CYP4F22: variants seen among roughly 807,000 people sequenced by gnomAD.
CYP4F22 encodes the protein ultra-long-chain fatty acid omega-hydroxylase.
A neutral mutation model predicts 60.4 loss-of-function variants in CYP4F22; 37 were observed. The ratio of observed to expected loss-of-function variants is 0.61; its 90% confidence interval spans 0.47 to 0.81. The LOEUF is 0.81. CYP4F22 is among the 30% of genes least tolerant of loss of function. The probability of loss-of-function intolerance (pLI) is 0.00; values close to 1 mark genes in which losing one functional copy is unlikely to be tolerated. For missense variants in CYP4F22, 655 were observed against 715.0 expected (o/e 0.92, Z 0.96); for synonymous variants, 258 against 280.5 (o/e 0.92, Z 0.80).
rs1056455672 is a variant in CYP4F22, at chr19:15,515,265, C to G, written c.-109+6682C>G. 3.7e-5 allele frequency: 32 copies of G among 874,196 alleles called. No homozygotes were observed. In the African/African-American group the frequency reaches 5.4e-4, roughly 15 times the overall value. 54.2% of individuals were successfully genotyped at this position (874,196 alleles called of 1,614,324 possible). A position where few individuals can be genotyped will look rare whatever the true frequency, so the allele number is the denominator to read the frequency against. ...CGGCCCACTAGAGGTATCAGAAATT[C>G]CAAATTTTCAAAGCAGTTTTAATAT... On this transcript the variant is annotated intron_variant, in intron 1 of 13. Transcript: ENST00000269703.
At chr19:15,548,628 C>A (rs759113422) in intron 11 of CYP4F22, among the ~76,000 whole-genome samples, 1 of 151,838 alleles carries the variant, frequency 6.6e-6, no homozygotes, top group Non-Finnish European at 1.5e-5. Context: ...CATTCCCAGG[C>A]GTATGGAATC....
rs1971551688 is a variant in CYP4F22, at chr19:15,548,036, TGTGTG to T, written c.1137-71_1137-67del. On this transcript the variant is annotated intron_variant, in intron 10 of 13. Coordinates refer to ENST00000269703, the MANE Select transcript of CYP4F22 (RefSeq NM_173483.4). ...GTGTGTGTGTGTGTGTGTGTGTGTG[TGTGTG>T]TGTGTGTGTTTTGGGGAGGTGGTGC... The T allele has an allele frequency of 6.4e-6, 9 of 1,400,764 alleles. No homozygotes were observed. In the African/African-American group the frequency reaches 1.3e-4, roughly 20 times the overall value. The allele number at this position is 1,400,764 out of a possible 1,614,324, so 86.8% of individuals were successfully genotyped here. A position where few individuals can be genotyped will look rare whatever the true frequency, so the allele number is the denominator to read the frequency against.
Position 15,537,315 on chromosome 19 carries a change from CA to C in CYP4F22, c.368-40del, listed in dbSNP as rs1568360184. The C allele has an allele frequency of 1.9e-6, 3 of 1,612,610 alleles. No homozygotes were observed. The South Asian group carries it at 3.3e-5, about 18-fold the overall frequency. On this transcript the variant is annotated intron_variant, in intron 4 of 13. Transcript: ENST00000269703. ...GACTCCGTAAAAAAAAACAAAAAAC[CA>C]AAAAACTCTGTTTTGAGTCACCATT...
In CYP4F22 at chr19:15,550,711, A is replaced by G. The variant is rs779007203; in HGVS notation, c.1373A>G (p.Gln458Arg). 46 of 1,614,206 alleles carry G rather than the reference A, an allele frequency of 2.8e-5. No individual in the cohort carries two copies. The highest frequency in any genetic ancestry group is 2.4e-5 in the Non-Finnish European group (28 of 1,180,038). ...TACCGCTTTGACCCGGACAACCCACAGCAGCGCTCTCCACTGGCCTATGTG... is the reference window on the plus strand; with the variant it reads ...TACCGCTTTGACCCGGACAACCCACGGCAGCGCTCTCCACTGGCCTATGTG... The part of the protein sequence containing the change: ...NPYRFDPDNP[Q>R]QRSPLAYVPF... The change falls in exon 13 of 14, where the codon CAG (glutamine) becomes CGG (arginine). Residue 458 changes from glutamine (Q) to arginine (R), a missense_variant. Around this residue, in one of 3 missense-constraint regions of CYP4F22, gnomAD observed 151 missense variants for 139.4 expected, o/e 1.08. Transcript: ENST00000269703.
In CYP4F22 at chr19:15,523,712, G is replaced by A. The variant is rs1037908126; in HGVS notation, c.-89G>A. On this transcript the variant is annotated 5_prime_UTR_variant, in exon 2 of 14. Transcript: ENST00000269703. Reference sequence around the variant, plus strand: ...CCTTAGGAGCTGGCCCTAAAGCAAGGACCTGAGTGCAAGTAATTTTTTTGG... The same window carrying A: ...CCTTAGGAGCTGGCCCTAAAGCAAGAACCTGAGTGCAAGTAATTTTTTTGG... The A allele has an allele frequency of 2.6e-5, 4 of 152,128 alleles. No homozygotes were observed. The highest frequency in any genetic ancestry group is 4.4e-5 in the Non-Finnish European group (3 of 68,048). The allele number at this position is 152,128 out of a possible 1,614,324, so 9.4% of individuals were successfully genotyped here.
intron 1 of CYP4F22, among the ~76,000 whole-genome samples, chr19:15,522,624 C>A (rs995443033): frequency 6.6e-6 from 1 of 152,098 alleles, no homozygotes; most frequent in Non-Finnish European, 1.5e-5. Flanking sequence ...TGCATTGAGC[C>A]GTGATAGTAC....
intron 3 of CYP4F22, among the ~76,000 whole-genome samples, chr19:15,527,595 C>T (rs1011873430): frequency 6.6e-6 from 1 of 152,234 alleles, no homozygotes; most frequent in African/African-American, 2.4e-5. Flanking sequence ...TAAAGCCCAG[C>T]CTTGACGTTG....
chr19:15,512,159 C>T (rs1277946799), intron 1 of CYP4F22, among the ~76,000 whole-genome samples: 6 of 152,174 alleles, frequency 3.9e-5, no homozygotes, highest in Middle Eastern at 6.8e-3. Context: ...TTCACTGAGC[C>T]GTCCCAAAAA....
At chr19:15,520,714 A>C (rs1971214294) in intron 1 of CYP4F22, among the ~76,000 whole-genome samples, 1 of 150,720 alleles carries the variant, frequency 6.6e-6, no homozygotes. Flanking sequence ...CAGCCTCCCG[A>C]GTAGCGGGTA....
At chr19:15,545,648 C>CAAAAAAA (rs1217096575) in intron 10 of CYP4F22, among the ~76,000 whole-genome samples, 994 of 38,900 alleles carry the variant, frequency 0.026, 56 homozygotes, top group East Asian at 0.085. Flanking sequence ...GACCCTGTCT[C>CAAAAAAA]AAAAAAAAAA....
At chr19:15,519,388 G>C (rs1378834964) in intron 1 of CYP4F22, among the ~76,000 whole-genome samples, 1 of 151,590 alleles carries the variant, frequency 6.6e-6, no homozygotes, top group East Asian at 1.9e-4. Context: ...TCAGCCTCCC[G>C]AGTAGCTGGG....
At chr19:15,526,470 T>G (rs915957546) in intron 3 of CYP4F22, among the ~76,000 whole-genome samples, 3 of 152,190 alleles carry the variant, frequency 2.0e-5, no homozygotes, top group Non-Finnish European at 4.4e-5. Context: ...TTTTTAATTT[T>G]GCAGATATGT....
chr19:15,522,938 T>C (rs1371058434), intron 1 of CYP4F22, among the ~76,000 whole-genome samples: 1 of 150,382 alleles, frequency 6.6e-6, no homozygotes, highest in African/African-American at 2.4e-5. Flanking sequence ...CTTGAACTCC[T>C]GAACTCAAGT....
At chr19:15,512,007 G>A (rs906895636) in intron 1 of CYP4F22, among the ~76,000 whole-genome samples, 3 of 151,550 alleles carry the variant, frequency 2.0e-5, no homozygotes, top group Non-Finnish European at 4.4e-5. Flanking sequence ...GGTGTAGATA[G>A]GGAGTGGACA....
In CYP4F22 at chr19:15,529,851, C is replaced by G. The variant is rs1354112731; in HGVS notation, c.365C>G (p.Ser122Ter). The G allele has an allele frequency of 6.2e-7, 1 of 1,613,986 alleles. No individual in the cohort carries two copies. Residue 122 changes from serine to a stop codon, truncating the protein, a stop_gained and splice_region_variant, in exon 4 of 14, where the codon TCA (serine) becomes TGA (stop). Transcript: ENST00000269703. LOFTEE classifies it high-confidence loss of function. ...TACATCAAACCCCTTTTGGGAGCCTCAGGTACGTGGGCTGGGCCTCCGATC... is the reference window on the plus strand; with the variant it reads ...TACATCAAACCCCTTTTGGGAGCCTGAGGTACGTGGGCTGGGCCTCCGATC... ...PDYIKPLLGA[S>*]AAIAPKDDLF...
At chr19:15,520,924 C>T (rs1327286393) in intron 1 of CYP4F22, among the ~76,000 whole-genome samples, 1 of 152,084 alleles carries the variant, frequency 6.6e-6, no homozygotes, top group Non-Finnish European at 1.5e-5. Context: ...CCCGCCACCA[C>T]ACCTGACTAA....
chr19:15,529,998 C>A, intron 4 of CYP4F22, 145 bp downstream of exon 4: 1 of 1,174,040 alleles, frequency 8.5e-7, no homozygotes, highest in Non-Finnish European at 1.3e-6. Context: ...GCAAGCATGG[C>A]AATCCAGATT....
chr19:15,522,198 A>G, intron 1 of CYP4F22, among the ~76,000 whole-genome samples: 1 of 151,330 alleles, frequency 6.6e-6, no homozygotes, highest in Non-Finnish European at 1.5e-5. Flanking sequence ...CCAGTGCACA[A>G]CAGTTCCAAT....
chr19:15,551,219 A>T, intron 13 of CYP4F22, 75 bp from the exon 14 acceptor site: 1 of 1,551,786 alleles, frequency 6.4e-7, no homozygotes, highest in Non-Finnish European at 8.7e-7. Context: ...CTTCATTTTC[A>T]AAGGAGGCAT....
Sources: allele counts gnomAD v4.1 joint callset (sites outside exome capture counted in the v4.1 genomes callset), GRCh38; gene constraint gnomAD v4.1.1; regional missense constraint gnomAD v4.1.1; transcripts MANE v1.5; gene names NCBI Gene and HGNC (gene_info 2026-07-23, HGNC 2026-07-21).